PDZRN4: variants seen among roughly 807,000 people sequenced by gnomAD.
The protein encoded by PDZRN4 is PDZ domain containing ring finger 4.
In PDZRN4, 70 loss-of-function variants were observed where a neutral mutation model predicts 99.0. The observed-to-expected ratio is 0.71, with a 90% confidence interval of 0.58 to 0.86. The LOEUF (loss-of-function observed/expected upper bound fraction) is 0.86. Ranked by LOEUF, PDZRN4 falls within the 40% of genes least tolerant of loss-of-function variation. The pLI, the probability that PDZRN4 is intolerant of heterozygous loss-of-function variation, is 0.00. For missense variants in PDZRN4, 1,474 were observed against 1,331.2 expected (o/e 1.11, Z -1.67); for synonymous variants, 551 against 501.6 (o/e 1.10, Z -1.32).
intron 3 of PDZRN4, among the ~76,000 whole-genome samples, chr12:41,375,846 T>A (rs1418225573): frequency 6.6e-6 from 1 of 152,172 alleles, no homozygotes; most frequent in African/African-American, 2.4e-5. Context: ...GTCAGCATGC[T>A]GTGCATTAGC....
chr12:41,414,735 G>C (rs1484770906), intron 3 of PDZRN4, among the ~76,000 whole-genome samples: 1 of 152,028 alleles, frequency 6.6e-6, no homozygotes, highest in Non-Finnish European at 1.5e-5. Context: ...TTAAAACTAT[G>C]ATAACTACCA....
chr12:41,300,580 C>T (rs1951529087), intron 3 of PDZRN4, among the ~76,000 whole-genome samples: 1 of 151,756 alleles, frequency 6.6e-6, no homozygotes, highest in Non-Finnish European at 1.5e-5. Flanking sequence ...TGGTCATTAT[C>T]TCTTCTTTGA....
At chr12:41,218,564 C>G (rs1290552814) in intron 3 of PDZRN4, among the ~76,000 whole-genome samples, 1 of 152,080 alleles carries the variant, frequency 6.6e-6, no homozygotes, top group East Asian at 1.9e-4. Context: ...GACATACCCC[C>G]TGTAAAGAGT....
intron 5 of PDZRN4, among the ~76,000 whole-genome samples, chr12:41,547,973 G>T (rs1337333978): frequency 6.6e-6 from 1 of 152,178 alleles, no homozygotes; most frequent in Admixed American, 6.5e-5. Flanking sequence ...GAGGTTAAAA[G>T]TTGCCCATAT....
rs1466864278 is a variant in PDZRN4 at position 41,453,632 on chromosome 12, C to T, written c.844-52824C>T. On this transcript the variant is annotated intron_variant, in intron 3 of 9. Transcript: ENST00000402685. ...TCACCTCATCAGGATGTTTTCTGTC[C>T]TGTGACTAGTGGCTTCAAATGTACT... 3.3e-5 allele frequency among the ~76,000 whole-genome samples: 5 copies of T among 152,182 alleles called. No individual in the cohort carries two copies. The South Asian group carries it at 8.3e-4, about 25-fold the overall frequency.
At chr12:41,488,928 G>C (rs1267367955) in intron 3 of PDZRN4, among the ~76,000 whole-genome samples, 1 of 152,128 alleles carries the variant, frequency 6.6e-6, no homozygotes, top group African/African-American at 2.4e-5. Flanking sequence ...TAAAGTAAAT[G>C]TTCTCAAGTA....
At chr12:41,346,456 C>T (rs983050672) in intron 3 of PDZRN4, among the ~76,000 whole-genome samples, 1 of 150,988 alleles carries the variant, frequency 6.6e-6, no homozygotes, top group Non-Finnish European at 1.5e-5. Flanking sequence ...AGCGAGATTC[C>T]GTCTCAAAAA....
intron 3 of PDZRN4, among the ~76,000 whole-genome samples, chr12:41,211,006 A>T (rs1364684522): frequency 2.6e-5 from 4 of 151,918 alleles, no homozygotes; most frequent in Admixed American, 2.6e-4. Flanking sequence ...AAACATTGTC[A>T]GTTGTATAGA....
intron 3 of PDZRN4, among the ~76,000 whole-genome samples, chr12:41,437,362 G>A (rs749994915): frequency 6.6e-6 from 1 of 151,994 alleles, no homozygotes; most frequent in Non-Finnish European, 1.5e-5. Flanking sequence ...GCAGAGCATG[G>A]ATATGTAAAC....
At chr12:41,450,109 G>T (rs1227135040) in intron 3 of PDZRN4, among the ~76,000 whole-genome samples, 1 of 151,974 alleles carries the variant, frequency 6.6e-6, no homozygotes, top group Non-Finnish European at 1.5e-5. Context: ...AAAACCATGA[G>T]AATCATTTTT....
At chr12:41,446,868 T>C (rs1015824877) in intron 3 of PDZRN4, among the ~76,000 whole-genome samples, 1 of 137,368 alleles carries the variant, frequency 7.3e-6, no homozygotes, top group African/African-American at 2.8e-5. Context: ...TTTTTTTTTT[T>C]GCTTCAGCAT....
rs960994528 is a variant in PDZRN4 at position 41,513,243 on chromosome 12, T to A, written c.1203+3330T>A. Among the ~76,000 whole-genome samples the A allele has an allele frequency of 3.9e-5, 6 of 152,088 alleles. No individual in the cohort carries two copies. The South Asian group carries it at 1.2e-3, about 31-fold the overall frequency. On this transcript the variant is annotated intron_variant, in intron 5 of 9. Coordinates refer to ENST00000402685, the MANE Select transcript of PDZRN4 (RefSeq NM_001164595.2). ...CCACGGCAGACAAGCAAATGCTTCT[T>A]TGGAGATATTATACTCAGTGTCCAT... is the stretch of plus-strand genomic sequence containing the variant.
At chr12:41,270,803 A>ATAAT (rs1181769592) in intron 3 of PDZRN4, among the ~76,000 whole-genome samples, 7 of 152,286 alleles carry the variant, frequency 4.6e-5, no homozygotes, top group Non-Finnish European at 1.0e-4. Context: ...AAATCTCAAA[A>ATAAT]TAATTATTGT....
At chr12:41,280,876 T>C (rs1951380181) in intron 3 of PDZRN4, among the ~76,000 whole-genome samples, 2 of 152,302 alleles carry the variant, frequency 1.3e-5, no homozygotes, top group South Asian at 4.1e-4. Flanking sequence ...ACGGACAGAC[T>C]GCCTCCTCAA....
chr12:41,294,472 CAG>C (rs1279701558), intron 3 of PDZRN4, among the ~76,000 whole-genome samples: 2 of 152,046 alleles, frequency 1.3e-5, no homozygotes, highest in Non-Finnish European at 1.5e-5. Context: ...ATAAGAAGAA[CAG>C]TGTGAAAACT....
chr12:41,563,459 A>G, intron 7 of PDZRN4, 89 bp from the exon 8 acceptor site: 1 of 947,752 alleles, frequency 1.1e-6, no homozygotes, highest in Non-Finnish European at 1.7e-6. Context: ...TTGTCCATAC[A>G]TTTACCATAA....
At chr12:41,283,113 T>C (rs1238297085) in intron 3 of PDZRN4, among the ~76,000 whole-genome samples, 2 of 148,556 alleles carry the variant, frequency 1.3e-5, no homozygotes, top group African/African-American at 4.9e-5. Flanking sequence ...ATTAACAGAA[T>C]TAGCCAGACT....
At chr12:41,554,979 C>T (rs1052913817) in intron 6 of PDZRN4, among the ~76,000 whole-genome samples, 11 of 146,592 alleles carry the variant, frequency 7.5e-5, no homozygotes, top group African/African-American at 1.3e-4. Flanking sequence ...GAGGCCAAGG[C>T]GGGCGGATCA....
intron 5 of PDZRN4, among the ~76,000 whole-genome samples, chr12:41,530,862 G>T (rs1938648214): frequency 6.6e-6 from 1 of 152,142 alleles, no homozygotes; most frequent in Non-Finnish European, 1.5e-5. Context: ...AATGGGAAAA[G>T]TTCCCTTGTC....
Sources: allele counts gnomAD v4.1 joint callset (sites outside exome capture counted in the v4.1 genomes callset), GRCh38; gene constraint gnomAD v4.1.1; transcripts MANE v1.5; gene names NCBI Gene and HGNC (gene_info 2026-07-23, HGNC 2026-07-21).